Variants in SYN3 observed in about 807,000 individuals in gnomAD.
SYN3 encodes synapsin-3.
A neutral mutation model predicts 65.8 loss-of-function variants in SYN3; 35 were observed. That is an observed-to-expected ratio of 0.53 (90% CI 0.41 to 0.70). The LOEUF is 0.70. SYN3 is among the 30% of genes least tolerant of loss of function. The pLI is 0.00. For synonymous variants in SYN3, 270 were observed against 292.9 expected, an observed-to-expected ratio of 0.92 and a Z score of 0.80; for missense variants, 680 against 749.0, an observed-to-expected ratio of 0.91 and a Z score of 1.08.
intron 6 of SYN3, among the ~76,000 whole-genome samples, chr22:32,726,149 T>G (rs991569943): frequency 1.2e-5 from 1 of 84,124 alleles, no homozygotes; most frequent in Admixed American, 9.2e-5. Context: ...GTATAGATTT[T>G]TATTTTTTTT....
At position 32,509,860 on chromosome 22, in the gene SYN3, G is replaced by A. The variant is rs1005495723; in HGVS notation, c.*3832C>T. Among the ~76,000 whole-genome samples, 47 of 152,144 alleles carry A rather than the reference G, an allele frequency of 3.1e-4. No homozygotes were observed. Among genetic ancestry groups the A allele is most frequent in the Non-Finnish European group, 5.7e-4 (39 of 68,036 alleles). On this transcript the variant is annotated 3_prime_UTR_variant, in exon 14 of 14. Transcript: ENST00000358763. ...TGGGATTACTGATGTGAGCCACTGC[G>A]CCTGGCCCCAGTGGGGAAATTATTT... is the stretch of plus-strand genomic sequence containing the variant.
intron 4 of SYN3, among the ~76,000 whole-genome samples, chr22:32,873,111 C>T (rs1318453737): frequency 2.6e-5 from 4 of 151,856 alleles, no homozygotes; most frequent in Non-Finnish European, 4.4e-5. Flanking sequence ...CCCCTGCACC[C>T]GGCTAATTTT....
At chr22:32,743,611 C>T (rs2044841682) in intron 6 of SYN3, among the ~76,000 whole-genome samples, 1 of 152,128 alleles carries the variant, frequency 6.6e-6, no homozygotes. Flanking sequence ...GCCACTTGCC[C>T]ACCTGAGCTA....
At chr22:32,642,718 G>A (rs750795691) in intron 6 of SYN3, among the ~76,000 whole-genome samples, 2 of 151,954 alleles carry the variant, frequency 1.3e-5, no homozygotes, top group African/African-American at 4.8e-5. Context: ...GTGAGCCACC[G>A]TACCCGGCCT....
chr22:32,509,477 G>A lies in SYN3; in HGVS notation c.*4215C>T, dbSNP rs376330527. Among the ~76,000 whole-genome samples, 1 of 152,146 alleles carries A rather than the reference G, an allele frequency of 6.6e-6. No individual in the cohort carries two copies. Among genetic ancestry groups the A allele is most frequent in the South Asian group, 2.1e-4 (1 of 4,832 alleles). ...TTGGAAGGAACAGGTACTAGTCTAT[G>A]TGACAGAACAGACTATTTTAGGGTC... On this transcript the variant is annotated 3_prime_UTR_variant, in exon 14 of 14. Transcript: ENST00000358763.
chr22:32,726,685 G>A (rs756687197), intron 6 of SYN3, among the ~76,000 whole-genome samples: 4 of 152,150 alleles, frequency 2.6e-5, no homozygotes, highest in African/African-American at 4.8e-5. Context: ...AAGCTTGAAC[G>A]GGACAAAATG....
intron 6 of SYN3, among the ~76,000 whole-genome samples, chr22:32,627,904 C>A (rs552302706): frequency 5.9e-5 from 9 of 152,320 alleles, no homozygotes; most frequent in African/African-American, 1.9e-4. Context: ...TCTCGGCTCA[C>A]TGCAAGCTCC....
intron 7 of SYN3, among the ~76,000 whole-genome samples, chr22:32,561,696 C>T (rs1314405802): frequency 3.9e-5 from 6 of 152,146 alleles, no homozygotes; most frequent in Admixed American, 3.3e-4. Context: ...GAAGGAGAAA[C>T]GGGGCAAGTG....
chr22:32,977,101 C>T lies in SYN3; in HGVS notation c.369+3544G>A, dbSNP rs530347360. On this transcript the variant is annotated intron_variant, in intron 3 of 13. Coordinates refer to ENST00000358763, the MANE Select transcript of SYN3 (RefSeq NM_003490.4). ...AAGGTATGTCTACTGGGGAAAAATG[C>T]CCAAATGACCTGCTAATTGGTTTCC... Among the ~76,000 whole-genome samples, 110 of 152,228 alleles carry T rather than the reference C, an allele frequency of 7.2e-4. 1 individual carries two copies. The highest frequency in any genetic ancestry group is 6.4e-3 in the South Asian group (31 of 4,818).
rs375146233 is a variant in SYN3, at chr22:32,598,487, T to A, written c.712-1751A>T. 1.1e-4 allele frequency among the ~76,000 whole-genome samples: 16 copies of A among 141,922 alleles called. 1 individual carries two copies. The highest frequency in any genetic ancestry group is 3.6e-3 in the Middle Eastern group (1 of 280). The allele number at this position is 141,922 out of a possible 152,430, so 93.1% of individuals were successfully genotyped here. A position where few individuals can be genotyped will look rare whatever the true frequency, so the allele number is the denominator to read the frequency against. On this transcript the variant is annotated intron_variant, in intron 6 of 13. Coordinates refer to ENST00000358763, the MANE Select transcript of SYN3 (RefSeq NM_003490.4). ...CACAAGAGTGGCCTGCAGTAGACTTTAAATAATATTTTTTTTGAGACAGAG... is the reference window on the plus strand; with the variant it reads ...CACAAGAGTGGCCTGCAGTAGACTTAAAATAATATTTTTTTTGAGACAGAG...
chr22:32,646,676 T>C (rs2059988499), intron 6 of SYN3, among the ~76,000 whole-genome samples: 1 of 152,210 alleles, frequency 6.6e-6, no homozygotes, highest in Non-Finnish European at 1.5e-5. Context: ...CTGCAAACTA[T>C]GAGTAAGGGT....
intron 4 of SYN3, among the ~76,000 whole-genome samples, chr22:32,895,960 A>T (rs1341855898): frequency 1.3e-5 from 2 of 152,310 alleles, no homozygotes; most frequent in East Asian, 3.9e-4. Context: ...GGAAGATTGA[A>T]TTAGTTAATC....
chr22:32,940,273 T>C (rs560973433), intron 3 of SYN3, among the ~76,000 whole-genome samples: 1 of 152,340 alleles, frequency 6.6e-6, no homozygotes, highest in South Asian at 2.1e-4. Context: ...TTGCTGGATA[T>C]ATTCATTTGG....
intron 4 of SYN3, among the ~76,000 whole-genome samples, chr22:32,874,464 T>C (rs1006478233): frequency 1.3e-5 from 2 of 152,234 alleles, no homozygotes; most frequent in Non-Finnish European, 2.9e-5. Context: ...GGGGGATTAC[T>C]GAATGCTTCT....
intron 6 of SYN3, among the ~76,000 whole-genome samples, chr22:32,625,581 C>A (rs1336686942): frequency 6.6e-6 from 1 of 152,218 alleles, no homozygotes; most frequent in Non-Finnish European, 1.5e-5. Context: ...CTTCTTCTTT[C>A]TTCACACATT....
At chr22:32,600,191 C>T (rs1164485570) in intron 6 of SYN3, among the ~76,000 whole-genome samples, 1 of 152,102 alleles carries the variant, frequency 6.6e-6, no homozygotes, top group Non-Finnish European at 1.5e-5. Flanking sequence ...ACTAGACAGT[C>T]CCATCTGGGG....
At chr22:33,021,418 C>A (rs183784618) in intron 1 of SYN3, among the ~76,000 whole-genome samples, 25 of 152,330 alleles carry the variant, frequency 1.6e-4, no homozygotes, top group East Asian at 5.8e-4. Flanking sequence ...CATCACCCCC[C>A]ATACAATTGC....
chr22:32,852,633 C>G (rs1226614820), intron 6 of SYN3, among the ~76,000 whole-genome samples: 1 of 152,174 alleles, frequency 6.6e-6, no homozygotes, highest in Non-Finnish European at 1.5e-5. Context: ...TCTGACCTCT[C>G]TCTTCTCTCA....
chr22:32,852,134 C>T (rs1308414410), intron 6 of SYN3, among the ~76,000 whole-genome samples: 1 of 152,206 alleles, frequency 6.6e-6, no homozygotes, highest in Admixed American at 6.5e-5. Context: ...AAATAGATAA[C>T]ACCTTGTCCT....
Sources: gnomAD v4.1 joint callset for allele counts (sites outside exome capture counted in the v4.1 genomes callset) on GRCh38, gnomAD v4.1.1 for gene constraint, MANE v1.5 for transcripts, NCBI Gene and HGNC (gene_info 2026-07-23, HGNC 2026-07-21) for gene names.